Variants in PSMB7 observed in about 807,000 individuals in gnomAD.
The protein encoded by PSMB7 is proteasome subunit beta type-7.
In PSMB7, 5 loss-of-function variants were observed where a neutral mutation model predicts 28.1. The observed-to-expected ratio is 0.18, with a 90% CI of 0.09 to 0.37. PSMB7 has a LOEUF of 0.37. Ranked by LOEUF, PSMB7 falls within the 10% of genes least tolerant of loss-of-function variation. PSMB7 has a pLI of 1.00. For missense variants in PSMB7, 275 were observed against 346.2 expected, an observed-to-expected ratio of 0.79 and a Z score of 1.63; for synonymous variants, 122 against 123.7, an observed-to-expected ratio of 0.99 and a Z score of 0.09.
At chr9:124,409,312 C>A (rs1233753111) in intron 4 of PSMB7, among the ~76,000 whole-genome samples, 1 of 152,152 alleles carries the variant, frequency 6.6e-6, no homozygotes, top group Non-Finnish European at 1.5e-5. Flanking sequence ...AATAAATGTA[C>A]ATTATGTTTA....
At chr9:124,375,519 AT>A (rs902488512) in intron 6 of PSMB7, among the ~76,000 whole-genome samples, 3 of 152,036 alleles carry the variant, frequency 2.0e-5, no homozygotes, top group African/African-American at 4.8e-5. Flanking sequence ...CTAAATACAC[AT>A]TTTTCCCCCC....
intron 6 of PSMB7, among the ~76,000 whole-genome samples, chr9:124,370,564 C>G (rs1193774127): frequency 6.6e-6 from 1 of 151,010 alleles, no homozygotes; most frequent in Non-Finnish European, 1.5e-5. Context: ...CTTTTTTTTT[C>G]TTGGCTAGAA....
At chr9:124,366,308 G>A (rs1830507760) in intron 6 of PSMB7, among the ~76,000 whole-genome samples, 1 of 152,186 alleles carries the variant, frequency 6.6e-6, no homozygotes. Flanking sequence ...AGCTGCTGAG[G>A]CAGGAGAATC....
intron 1 of PSMB7, 146 bp from the exon 2 acceptor site, chr9:124,415,081 G>C: frequency 1.6e-6 from 1 of 639,464 alleles, no homozygotes; most frequent in Non-Finnish European, 2.7e-6. Context: ...CATCAGCACT[G>C]TTCTCCCGTT....
chr9:124,356,699 A>G lies in PSMB7; in HGVS notation c.722+65T>C. ...ACCAGGAAAACTCCATCCAGATGCC[A>G]TGGAGATACCAAGGGTGGCCACGAC... On this transcript the variant is annotated intron_variant, in intron 7 of 7. Transcript: ENST00000259457. This position sits in a 1 kb window ranked among gnomAD's most constrained non-coding sequence, Gnocchi z 4.4. The G allele has an allele frequency of 6.5e-7, 1 of 1,534,796 alleles. No homozygotes were observed. Among genetic ancestry groups the G allele is most frequent in the East Asian group, 2.3e-5 (1 of 44,078 alleles).
At chr9:124,414,065 T>C in intron 2 of PSMB7, 60 bp from the exon 3 acceptor site, 1 of 1,128,416 alleles carries the variant, frequency 8.9e-7, no homozygotes, top group Non-Finnish European at 1.3e-6. Flanking sequence ...CAACTCTCTA[T>C]TCTACTTTAG....
At chr9:124,401,117 G>GA (rs1190773697) in intron 5 of PSMB7, among the ~76,000 whole-genome samples, 1 of 151,996 alleles carries the variant, frequency 6.6e-6, no homozygotes, top group African/African-American at 2.4e-5. Flanking sequence ...ACATTTTCTG[G>GA]AAAAAAATAC....
chr9:124,371,631 T>TAA (rs1314992797), intron 6 of PSMB7, among the ~76,000 whole-genome samples: 1 of 152,200 alleles, frequency 6.6e-6, no homozygotes, highest in African/African-American at 2.4e-5. Flanking sequence ...ACAACCTAGA[T>TAA]AAAGGAAGGA....
At chr9:124,395,628 C>G (rs1830832468) in intron 5 of PSMB7, among the ~76,000 whole-genome samples, 1 of 152,312 alleles carries the variant, frequency 6.6e-6, no homozygotes, top group East Asian at 1.9e-4. Flanking sequence ...AAAAAGCACA[C>G]AGTGATGTAC....
chr9:124,377,811 A>G (rs1197843812), intron 6 of PSMB7, among the ~76,000 whole-genome samples: 1 of 152,238 alleles, frequency 6.6e-6, no homozygotes, highest in Non-Finnish European at 1.5e-5. Context: ...TCTGAAGGGT[A>G]TAGGGTAGGA....
rs147487944 is a variant in PSMB7, at chr9:124,356,892, C to T, written c.594G>A (p.Val198=). The change falls in exon 7 of 8, where the codon GTG becomes GTA. Residue 198 remains valine, a synonymous_variant. Transcript: ENST00000259457. This position sits in a 1 kb window ranked among gnomAD's most constrained non-coding sequence, Gnocchi z 4.4. The part of the protein sequence containing the change: ...DMEEEEAKNL[V]SEAIAAGIFN... ...AGATGCCAGCTGCGATGGCTTCGCT[C>T]ACCAGATTCTTGGCTTCCTCCTCCT... is the stretch of plus-strand genomic sequence containing the variant. The T allele has an allele frequency of 2.8e-3, 4,548 of 1,614,194 alleles. 9 individuals carry two copies. Among genetic ancestry groups the T allele is most frequent in the South Asian group, 3.9e-3 (352 of 91,076 alleles).
intron 5 of PSMB7, among the ~76,000 whole-genome samples, chr9:124,389,952 T>C (rs1317271380): frequency 1.3e-5 from 2 of 152,100 alleles, no homozygotes; most frequent in South Asian, 2.1e-4. Flanking sequence ...CCTTTAAGAA[T>C]GTAAAATAAA....
At chr9:124,393,020 A>C (rs1230027069) in intron 5 of PSMB7, among the ~76,000 whole-genome samples, 5 of 152,036 alleles carry the variant, frequency 3.3e-5, no homozygotes, top group Non-Finnish European at 7.4e-5. Flanking sequence ...TCCTGGGTAA[A>C]ATTTGGTGCT....
At chr9:124,366,188 G>A (rs1210056886) in intron 6 of PSMB7, among the ~76,000 whole-genome samples, 1 of 152,218 alleles carries the variant, frequency 6.6e-6, no homozygotes, top group Non-Finnish European at 1.5e-5. Context: ...CAAAGCAGGA[G>A]CATCACCTGA....
intron 4 of PSMB7, among the ~76,000 whole-genome samples, chr9:124,409,643 G>C (rs1831007147): frequency 6.6e-6 from 1 of 152,178 alleles, no homozygotes; most frequent in African/African-American, 2.4e-5. Flanking sequence ...GAATTTTACG[G>C]GGCTCTAACT....
intron 6 of PSMB7, among the ~76,000 whole-genome samples, chr9:124,366,184 A>G (rs1450900301): frequency 6.6e-6 from 1 of 152,248 alleles, no homozygotes; most frequent in Admixed American, 6.5e-5. Context: ...AGGCCAAAGC[A>G]GGAGCATCAC....
intron 6 of PSMB7, among the ~76,000 whole-genome samples, chr9:124,377,516 T>C (rs1295508365): frequency 6.6e-6 from 1 of 152,236 alleles, no homozygotes; most frequent in Admixed American, 6.5e-5. Context: ...CAGTTACTTC[T>C]AAGATTTGCT....
At chr9:124,405,536 T>G in intron 4 of PSMB7, 104 bp from the exon 5 acceptor site, 1 of 718,288 alleles carries the variant, frequency 1.4e-6, no homozygotes, top group East Asian at 2.6e-5. Flanking sequence ...AAGTTTTCCT[T>G]AAGACTGTTT....
At chr9:124,405,078 T>C (rs1180201583) in intron 5 of PSMB7, among the ~76,000 whole-genome samples, 1 of 152,198 alleles carries the variant, frequency 6.6e-6, no homozygotes, top group African/African-American at 2.4e-5. Flanking sequence ...ATTGTCTATT[T>C]ACCCTCACTA....
Sources: gnomAD v4.1 joint callset for allele counts (sites outside exome capture counted in the v4.1 genomes callset) on GRCh38, gnomAD v4.1.1 for gene constraint, Gnocchi (gnomAD v3.1) non-coding constraint, MANE v1.5 for transcripts, NCBI Gene and HGNC (gene_info 2026-07-23, HGNC 2026-07-21) for gene names.